Variants in USP14 observed in about 807,000 individuals in gnomAD.
USP14 encodes ubiquitin specific peptidase 14.
USP14 carries 38 observed loss-of-function variants against 76.5 expected under a neutral mutation model. The ratio of observed to expected loss-of-function variants is 0.50; its 90% CI spans 0.38 to 0.65. USP14 has a LOEUF of 0.65. Ranked by LOEUF, USP14 falls within the 30% of genes least tolerant of loss-of-function variation. The pLI, the probability that USP14 is intolerant of heterozygous loss-of-function variation, is 0.00. For missense variants in USP14, 467 were observed against 586.5 expected (o/e 0.80, Z 2.10); for synonymous variants, 192 against 191.7 (o/e 1.00, Z -0.01).
At chr18:173,319 G>A (rs1043618932) in intron 3 of USP14, among the ~76,000 whole-genome samples, 3 of 151,494 alleles carry the variant, frequency 2.0e-5, no homozygotes, top group Non-Finnish European at 4.4e-5. Flanking sequence ...CACCATGTTA[G>A]CCAGGATGGT....
At chr18:205,818 A>C (rs1290092133) in intron 13 of USP14, among the ~76,000 whole-genome samples, 1 of 152,112 alleles carries the variant, frequency 6.6e-6, no homozygotes, top group South Asian at 2.1e-4. Context: ...AAACTCTTCC[A>C]CTTTTTAATA....
intron 9 of USP14, 80 bp downstream of exon 9, chr18:198,212 G>A: frequency 8.0e-7 from 1 of 1,252,712 alleles, no homozygotes; most frequent in Admixed American, 2.4e-5. Context: ...CTGATTGATT[G>A]GTGGTGGGTA....
chr18:163,736 G>A (rs57735739), intron 2 of USP14, among the ~76,000 whole-genome samples: 17,283 of 151,110 alleles, frequency 0.11, 1,090 homozygotes, highest in Middle Eastern at 0.19. Flanking sequence ...ATGCAGGTTT[G>A]TTATATAGGT....
intron 5 of USP14, among the ~76,000 whole-genome samples, chr18:188,866 A>G (rs1203919477): frequency 6.6e-6 from 1 of 151,872 alleles, no homozygotes; most frequent in Non-Finnish European, 1.5e-5. Context: ...TTTAGTAGAG[A>G]CGTGGTTTCA....
chr18:182,000 G>A (rs1909801215), intron 5 of USP14, among the ~76,000 whole-genome samples: 1 of 152,060 alleles, frequency 6.6e-6, no homozygotes, highest in South Asian at 2.1e-4. Flanking sequence ...AATTGTCTTA[G>A]CACCTTTTTT....
At chr18:185,697 A>G (rs528935295) in intron 5 of USP14, among the ~76,000 whole-genome samples, 1 of 151,912 alleles carries the variant, frequency 6.6e-6, no homozygotes, top group South Asian at 2.1e-4. Context: ...AAAAAATTTT[A>G]AATTATTTTT....
rs1262356379 is a variant in USP14 at position 214,395 on chromosome 18, A to AAAAT, written c.*3113_*3116dup. On this transcript the variant is annotated 3_prime_UTR_variant, in exon 16 of 16. Coordinates refer to ENST00000261601, the MANE Select transcript of USP14 (RefSeq NM_005151.4). ...ATTATAAATACATCTACTTAACAAA[A>AAAAT]AAATATATTTTGTGATCTTGAGGTC... 9.1e-6 allele frequency: 4 copies of AAAAT among 440,678 alleles called. No individual in the cohort carries two copies. The highest frequency in any genetic ancestry group is 2.0e-5 in the African/African-American group (1 of 50,004). The allele number at this position is 440,678 out of a possible 1,614,324, so 27.3% of individuals were successfully genotyped here. A position where few individuals can be genotyped will look rare whatever the true frequency, so the allele number is the denominator to read the frequency against.
At chr18:180,566 G>GGCAGT (rs1488211599) in intron 5 of USP14, among the ~76,000 whole-genome samples, 1 of 152,128 alleles carries the variant, frequency 6.6e-6, no homozygotes, top group Non-Finnish European at 1.5e-5. Context: ...CGTACTCACT[G>GGCAGT]GCAGTCACTC....
chr18:192,657 G>A (rs1012645949), intron 5 of USP14, among the ~76,000 whole-genome samples, 185 bp from the exon 6 acceptor site: 3 of 152,104 alleles, frequency 2.0e-5, no homozygotes. Context: ...TCCCTTTTCA[G>A]CATTCCTTTT....
chr18:172,282 T>C (rs1194773150), intron 3 of USP14, among the ~76,000 whole-genome samples: 2 of 152,112 alleles, frequency 1.3e-5, no homozygotes, highest in African/African-American at 4.8e-5. Context: ...AAATTGTGAC[T>C]GAATTGCCAC....
chr18:188,669 GTATTTTATTT>G lies in USP14; in HGVS notation c.405-4156_405-4147del, dbSNP rs552250839. ...ATTGTCTGCACTCAGCTTTTTTGGG[GTATTTTATTT>G]TATTTTATTTTATTTTGAGACAGAG... On this transcript the variant is annotated intron_variant, in intron 5 of 15. Transcript: ENST00000261601. Among the ~76,000 whole-genome samples the G allele has an allele frequency of 9.9e-5, 15 of 151,496 alleles. No homozygotes were observed. The South Asian group carries it at 2.3e-3, about 23-fold the overall frequency.
At chr18:181,366 C>G (rs1598270486) in intron 5 of USP14, among the ~76,000 whole-genome samples, 1 of 152,182 alleles carries the variant, frequency 6.6e-6, no homozygotes, top group African/African-American at 2.4e-5. Flanking sequence ...ATTAAGCCAT[C>G]TAGCGCTATG....
intron 8 of USP14, 27 bp downstream of exon 8, chr18:197,723 G>A: frequency 1.3e-6 from 2 of 1,564,322 alleles, no homozygotes; most frequent in Non-Finnish European, 1.7e-6. Context: ...TGTGATTATA[G>A]ACTTTCGTTA....
intron 13 of USP14, 35 bp from the exon 14 acceptor site, chr18:209,936 T>C: frequency 6.6e-7 from 1 of 1,511,028 alleles, no homozygotes; most frequent in Non-Finnish European, 9.0e-7. Context: ...ATTTCCAAAA[T>C]CATGATTTAA....
At chr18:188,711 T>G (rs1910003327) in intron 5 of USP14, among the ~76,000 whole-genome samples, 1 of 152,162 alleles carries the variant, frequency 6.6e-6, no homozygotes, top group South Asian at 2.1e-4. Context: ...AGAGTCTCGC[T>G]GTGTTGCCCA....
chr18:173,265 A>C (rs187496577), intron 3 of USP14, among the ~76,000 whole-genome samples: 2 of 150,808 alleles, frequency 1.3e-5, no homozygotes, highest in East Asian at 3.9e-4. Flanking sequence ...CTGCCACCAC[A>C]CCCGGCTATT....
intron 12 of USP14, among the ~76,000 whole-genome samples, chr18:203,602 T>G (rs993368063): frequency 6.6e-6 from 1 of 151,692 alleles, no homozygotes; most frequent in Non-Finnish European, 1.5e-5. Context: ...CACTATACTC[T>G]AGGTGGTTTC....
At chr18:181,732 A>G (rs932218096) in intron 5 of USP14, among the ~76,000 whole-genome samples, 2 of 151,804 alleles carry the variant, frequency 1.3e-5, no homozygotes, top group African/African-American at 4.8e-5. Flanking sequence ...ATTTTGATGT[A>G]GTTTAATCTT....
chr18:175,405 C>T (rs550996698), intron 3 of USP14, among the ~76,000 whole-genome samples: 2 of 152,242 alleles, frequency 1.3e-5, no homozygotes, highest in African/African-American at 4.8e-5. Context: ...TGTTCATCAT[C>T]AGGTTCAGGA....
Sources: allele counts gnomAD v4.1 joint callset (sites outside exome capture counted in the v4.1 genomes callset), GRCh38; gene constraint gnomAD v4.1.1; transcripts MANE v1.5; gene names NCBI Gene and HGNC (gene_info 2026-07-23, HGNC 2026-07-21).